TPST2: variants seen among roughly 807,000 people sequenced by gnomAD.
TPST2 encodes protein-tyrosine sulfotransferase 2.
A neutral mutation model predicts 27.8 loss-of-function variants in TPST2; 16 were observed. The ratio of observed to expected loss-of-function variants is 0.58; its 90% confidence interval spans 0.39 to 0.88. TPST2 has a LOEUF of 0.88. Among genes scored for constraint, TPST2 ranks in the 40% least tolerant of loss-of-function variants. The pLI is 0.00. For missense variants in TPST2, 464 were observed against 543.1 expected, an observed-to-expected ratio of 0.85 and a Z score of 1.45; for synonymous variants, 229 against 231.7, an observed-to-expected ratio of 0.99 and a Z score of 0.10.
rs916739435 is a variant in TPST2 at position 26,578,649 on chromosome 22, G to A, written c.-161+11404C>T. On this transcript the variant is annotated intron_variant, in intron 1 of 6. Coordinates refer to ENST00000338754, the MANE Select transcript of TPST2 (RefSeq NM_003595.5). The stretch of plus-strand genomic sequence containing the variant: ...AGAATCTCCCATCTCTCAGAAGTCG[G>A]TGTCTACACAACAACCGCTGAGGGA... 1.1e-4 allele frequency among the ~76,000 whole-genome samples: 16 copies of A among 152,172 alleles called. No individual in the cohort carries two copies. The East Asian group carries it at 2.3e-3, about 22-fold the overall frequency.
chr22:26,580,606 G>C (rs1401739322), intron 1 of TPST2, among the ~76,000 whole-genome samples: 2 of 152,120 alleles, frequency 1.3e-5, no homozygotes, highest in African/African-American at 4.8e-5. Context: ...ATATTTTCAA[G>C]GGAAACTATA....
chr22:26,561,336 G>T (rs1452563706), intron 1 of TPST2, among the ~76,000 whole-genome samples: 1 of 152,132 alleles, frequency 6.6e-6, no homozygotes, highest in Non-Finnish European at 1.5e-5. Flanking sequence ...TCTTTAGATA[G>T]CCCTGTCCTG....
At chr22:26,561,602 C>T (rs1927099558) in intron 1 of TPST2, among the ~76,000 whole-genome samples, 1 of 152,076 alleles carries the variant, frequency 6.6e-6, no homozygotes, top group Non-Finnish European at 1.5e-5. Flanking sequence ...TAAGTAAATA[C>T]AATTTTTTTA....
intron 3 of TPST2, among the ~76,000 whole-genome samples, chr22:26,538,210 G>A (rs560562181): frequency 2.6e-5 from 4 of 152,358 alleles, no homozygotes; most frequent in Admixed American, 1.3e-4. Flanking sequence ...AAGACCGGGC[G>A]TGAGGTGAGG....
At chr22:26,587,344 G>T (rs188665988) in intron 1 of TPST2, among the ~76,000 whole-genome samples, 3 of 152,106 alleles carry the variant, frequency 2.0e-5, no homozygotes, top group Non-Finnish European at 4.4e-5. Context: ...GCCTCTCCTT[G>T]CTTCGGTATT....
intron 1 of TPST2, among the ~76,000 whole-genome samples, chr22:26,558,896 G>A (rs570871751): frequency 6.6e-6 from 1 of 152,332 alleles, no homozygotes; most frequent in African/African-American, 2.4e-5. Flanking sequence ...AAGTGATGTT[G>A]CGCTGTGCTA....
In TPST2 at chr22:26,564,036, T is replaced by C. The variant is rs547024331; in HGVS notation, c.-160-19361A>G. Among the ~76,000 whole-genome samples, 29 of 152,312 alleles carry C rather than the reference T, an allele frequency of 1.9e-4. 1 individual carries two copies. In the South Asian group the frequency reaches 5.0e-3, roughly 26 times the overall value. On this transcript the variant is annotated intron_variant, in intron 1 of 6. Transcript: ENST00000338754. ...AAGACCCTCCTGCCAGCAGTCTGCA[T>C]GTTCCCCTTCTGCACCAACTTTGTG... is the stretch of plus-strand genomic sequence containing the variant.
At chr22:26,589,416 C>G (rs895490745) in intron 1 of TPST2, among the ~76,000 whole-genome samples, 8 of 151,724 alleles carry the variant, frequency 5.3e-5, no homozygotes, top group Admixed American at 5.2e-4. Flanking sequence ...CCGGGCACCT[C>G]CCATCCAGCT....
intron 1 of TPST2, among the ~76,000 whole-genome samples, chr22:26,553,026 C>T (rs1009057893): frequency 1.5e-5 from 2 of 136,100 alleles, no homozygotes; most frequent in Non-Finnish European, 3.1e-5. Flanking sequence ...TGCCATTGTA[C>T]TCCAGCCTGG....
At chr22:26,537,511 G>C (rs1198486367) in intron 3 of TPST2, among the ~76,000 whole-genome samples, 1 of 152,182 alleles carries the variant, frequency 6.6e-6, no homozygotes, top group African/African-American at 2.4e-5. Flanking sequence ...GGAGTGCAGT[G>C]GCACAATCTT....
intron 1 of TPST2, among the ~76,000 whole-genome samples, chr22:26,577,431 A>C (rs1217272982): frequency 6.6e-6 from 1 of 150,622 alleles, no homozygotes; most frequent in Non-Finnish European, 1.5e-5. Flanking sequence ...TGTAACTTCC[A>C]CCTCCCAGGT....
intron 1 of TPST2, chr22:26,560,971 C>T (rs1245574826): frequency 6.8e-6 from 11 of 1,609,796 alleles, no homozygotes; most frequent in Middle Eastern, 1.9e-4. Context: ...AAGAAGGCTG[C>T]GAAGCTGAAG....
In TPST2 at chr22:26,524,301, C is replaced by T. The variant is rs1924708407; in HGVS notation, c.*1974G>A. 6.6e-6 allele frequency: 1 copy of T among 151,920 alleles called. No individual in the cohort carries two copies. Among genetic ancestry groups the T allele is most frequent in the South Asian group, 2.1e-4 (1 of 4,818 alleles). The allele number at this position is 151,920 out of a possible 1,614,324, so 9.4% of individuals were successfully genotyped here. ...CATCCATTAGCCATCCCCAATAAAC[C>T]CATGAAGTTCAGCCTGAACAGCATA... On this transcript the variant is annotated 3_prime_UTR_variant, in exon 7 of 7. Coordinates refer to ENST00000338754, the MANE Select transcript of TPST2 (RefSeq NM_003595.5).
intron 1 of TPST2, among the ~76,000 whole-genome samples, chr22:26,578,295 C>G (rs1274979417): frequency 6.6e-6 from 1 of 152,186 alleles, no homozygotes; most frequent in Admixed American, 6.5e-5. Flanking sequence ...TGTGCTTCGT[C>G]TGCTGCACCT....
At chr22:26,573,259 G>A (rs1927701986) in intron 1 of TPST2, among the ~76,000 whole-genome samples, 1 of 152,134 alleles carries the variant, frequency 6.6e-6, no homozygotes, top group Non-Finnish European at 1.5e-5. Flanking sequence ...TCAAACTCCT[G>A]GGCTAAAGTG....
Position 26,541,215 on chromosome 22 carries a change from G to A in TPST2, c.416C>T (p.Ala139Val), listed in dbSNP as rs755059775. 6.4e-7 allele frequency: 1 copy of A among 1,568,700 alleles called. No homozygotes were observed. The highest frequency in any genetic ancestry group is 8.7e-7 in the Non-Finnish European group (1 of 1,155,072). ...CTTGGCAATCACCTCCAGGATGAAGGCCTGCATGGCGGCGTCCAGCACCTC... is the reference window on the plus strand; with the variant it reads ...CTTGGCAATCACCTCCAGGATGAAGACCTGCATGGCGGCGTCCAGCACCTC... ...TDEVLDAAMQ[A>V]FILEVIAKHG... The change falls in exon 3 of 7, where the codon GCC (alanine) becomes GTC (valine). Residue 139 changes from alanine (A) to valine (V), a missense_variant. Transcript: ENST00000338754. The surrounding 1 kb of genome is among the most constrained non-coding windows in gnomAD (Gnocchi z 5.9).
At chr22:26,531,464 T>C (rs1715897161) in intron 5 of TPST2, among the ~76,000 whole-genome samples, 1 of 152,188 alleles carries the variant, frequency 6.6e-6, no homozygotes, top group Non-Finnish European at 1.5e-5. Flanking sequence ...AAAATATAAT[T>C]GCAACGAATG....
chr22:26,587,556 G>T (rs975103335), intron 1 of TPST2, among the ~76,000 whole-genome samples: 2 of 152,056 alleles, frequency 1.3e-5, no homozygotes, highest in African/African-American at 4.8e-5. Flanking sequence ...GGATAGGCTG[G>T]TCTCGAACTC....
At chr22:26,532,634 C>T (rs1240911296) in intron 5 of TPST2, 61 bp downstream of exon 5, 3 of 1,552,596 alleles carry the variant, frequency 1.9e-6, no homozygotes, top group Non-Finnish European at 2.7e-6. Context: ...TAAGGGCATA[C>T]AGCCAGATGG....
Sources: allele counts gnomAD v4.1 joint callset (sites outside exome capture counted in the v4.1 genomes callset), GRCh38; gene constraint gnomAD v4.1.1; non-coding constraint Gnocchi (gnomAD v3.1); transcripts MANE v1.5; gene names NCBI Gene and HGNC (gene_info 2026-07-23, HGNC 2026-07-21).